The following SLC45A2 variants were observed in gnomAD, a reference collection of about 807,000 sequenced individuals.
SLC45A2 encodes the protein solute carrier family 45 member 2.
Under a neutral mutation model 45.5 loss-of-function variants are expected in SLC45A2, and 36 were observed. The ratio of observed to expected loss-of-function variants is 0.79; its 90% CI spans 0.61 to 1.04. The LOEUF is 1.04. Among genes scored for constraint, SLC45A2 ranks in the 50% least tolerant of loss-of-function variants. The probability of loss-of-function intolerance (pLI) is 0.00; values close to 1 mark genes in which losing one functional copy is unlikely to be tolerated. For missense variants in SLC45A2, 719 were observed against 671.0 expected (o/e 1.07, Z -0.79); for synonymous variants, 306 against 269.3 (o/e 1.14, Z -1.33).
In SLC45A2 at chr5:33,963,735, C is replaced by T. The variant is rs1328291937; in HGVS notation, c.844G>A (p.Glu282Lys). The T allele has an allele frequency of 6.2e-7, 1 of 1,614,034 alleles. No homozygotes were observed. Among genetic ancestry groups the T allele is most frequent in the African/African-American group, 1.3e-5 (1 of 74,930 alleles). Reference sequence around the variant, plus strand: ...TTTTTTGCTCCCTGCATTGCCAGCTCTGGATTTACGTAACCATTTTTAACT... The same window carrying T: ...TTTTTTGCTCCCTGCATTGCCAGCTTTGGATTTACGTAACCATTTTTAACT... Reference protein sequence around the residue: ...EKVKNGYVNPELAMQGAKNKN... With the variant: ...EKVKNGYVNPKLAMQGAKNKN... The change falls in exon 3 of 7, where the codon GAG (glutamate) becomes AAG (lysine). Residue 282 changes from glutamate (E) to lysine (K), a missense_variant. Physicochemically the swap from Glu to Lys is moderately conservative, Grantham distance 56 (BLOSUM62 1). Transcript: ENST00000296589.
intron 2 of SLC45A2, among the ~76,000 whole-genome samples, chr5:33,977,473 G>C (rs748650695): frequency 2.6e-5 from 4 of 152,154 alleles, no homozygotes; most frequent in Admixed American, 6.5e-5. Flanking sequence ...CCCCGACCAA[G>C]TTAGAAATTA....
intron 3 of SLC45A2, among the ~76,000 whole-genome samples, chr5:33,958,221 A>G (rs939800155): frequency 1.3e-5 from 2 of 152,210 alleles, no homozygotes; most frequent in African/African-American, 4.8e-5. Context: ...TTGGAGATAG[A>G]TTTTATGAGA....
chr5:33,948,772 C>T (rs1387287633), intron 5 of SLC45A2, among the ~76,000 whole-genome samples: 2 of 152,144 alleles, frequency 1.3e-5, no homozygotes, highest in African/African-American at 4.8e-5. Flanking sequence ...CTAAAAGATA[C>T]CATCAATACC....
intron 3 of SLC45A2, among the ~76,000 whole-genome samples, chr5:33,955,341 C>A (rs1752243095): frequency 6.6e-6 from 1 of 152,222 alleles, no homozygotes; most frequent in African/African-American, 2.4e-5. Context: ...GAGAATACAG[C>A]TCTGCTAACA....
At chr5:33,950,813 T>C (rs1362715437) in intron 5 of SLC45A2, among the ~76,000 whole-genome samples, 3 of 152,364 alleles carry the variant, frequency 2.0e-5, no homozygotes, top group Non-Finnish European at 4.4e-5. Flanking sequence ...GAGCTCTTTA[T>C]AATTAGGAGA....
intron 2 of SLC45A2, among the ~76,000 whole-genome samples, chr5:33,979,535 G>A (rs1162697945): frequency 6.6e-6 from 1 of 152,224 alleles, no homozygotes; most frequent in East Asian, 1.9e-4. Context: ...AGTACAGAAG[G>A]TAGATTTTCC....
At chr5:33,951,292 C>T in intron 5 of SLC45A2, 1 of 927,934 alleles carries the variant, frequency 1.1e-6, no homozygotes. Context: ...TAAAGATTCC[C>T]TTTCATTTTC....
Position 33,955,642 on chromosome 5 carries a change from T to TAC in SLC45A2, c.889-1140_889-1139dup, listed in dbSNP as rs796587683. Among the ~76,000 whole-genome samples the TAC allele has an allele frequency of 1.3e-4, 19 of 151,450 alleles. No individual in the cohort carries two copies. The South Asian group carries it at 1.5e-3, about 12-fold the overall frequency. ...TGTAGAACTCAAATATATATGTTTA[T>TAC]ACACACACACACACAAACACACACA... On this transcript the variant is annotated intron_variant, in intron 3 of 6. Transcript: ENST00000296589.
chr5:33,967,507 T>C (rs1028033033), intron 2 of SLC45A2, among the ~76,000 whole-genome samples: 1 of 152,158 alleles, frequency 6.6e-6, no homozygotes, highest in Non-Finnish European at 1.5e-5. Context: ...CATCACTCTT[T>C]TGAGTGGCCA....
At chr5:33,966,699 T>G (rs766280131) in intron 2 of SLC45A2, among the ~76,000 whole-genome samples, 6 of 152,188 alleles carry the variant, frequency 3.9e-5, no homozygotes, top group Non-Finnish European at 7.3e-5. Flanking sequence ...TGCTAGTTAA[T>G]AGTAACAAGG....
intron 2 of SLC45A2, among the ~76,000 whole-genome samples, chr5:33,977,916 C>G (rs1752976219): frequency 6.6e-6 from 1 of 152,154 alleles, no homozygotes; most frequent in South Asian, 2.1e-4. Flanking sequence ...AGGAAAGTGT[C>G]CTGATCACGG....
intron 2 of SLC45A2, among the ~76,000 whole-genome samples, chr5:33,973,842 T>C (rs1752851920): frequency 2.1e-5 from 1 of 48,106 alleles, no homozygotes; most frequent in Admixed American, 2.1e-4. Flanking sequence ...GATGGTTCAT[T>C]GTGCTGTGCC....
In SLC45A2 at chr5:33,954,587, A is replaced by G. The variant is rs1301447502; in HGVS notation, c.889-83T>C. The G allele has an allele frequency of 2.5e-6, 4 of 1,580,522 alleles. No individual in the cohort carries two copies. In the East Asian group the frequency reaches 9.0e-5, roughly 35 times the overall value. On this transcript the variant is annotated intron_variant, in intron 3 of 6. Transcript: ENST00000296589. ...GGGAGCCAGAACACACAGACATGTTATGTATTTGTCAGTCAGCCATCACAC... is the reference window on the plus strand; with the variant it reads ...GGGAGCCAGAACACACAGACATGTTGTGTATTTGTCAGTCAGCCATCACAC...
At chr5:33,962,467 G>A (rs934190190) in intron 3 of SLC45A2, among the ~76,000 whole-genome samples, 2 of 152,216 alleles carry the variant, frequency 1.3e-5, no homozygotes, top group African/African-American at 4.8e-5. Context: ...TCACAGGAAG[G>A]TGAGATTCAC....
intron 3 of SLC45A2, among the ~76,000 whole-genome samples, chr5:33,959,681 C>T (rs914764465): frequency 9.2e-5 from 14 of 152,142 alleles, no homozygotes; most frequent in African/African-American, 1.9e-4. Context: ...AGTGGCATGG[C>T]GAGAGGCAGG....
At chr5:33,967,188 T>C (rs949810312) in intron 2 of SLC45A2, among the ~76,000 whole-genome samples, 1 of 152,216 alleles carries the variant, frequency 6.6e-6, no homozygotes, top group Non-Finnish European at 1.5e-5. Flanking sequence ...GATTTAGTCA[T>C]TTTAGGCCCA....
At position 33,953,156 on chromosome 5, in the gene SLC45A2, G is replaced by A. The variant is rs1350499422; in HGVS notation, c.1032+1205C>T. On this transcript the variant is annotated intron_variant, in intron 4 of 6. Transcript: ENST00000296589. ...GTGAATAGTGCCGCAGTAAACATAC[G>A]TGTGCATGTGTCTTTATAGACAGCA... 7.3e-5 allele frequency among the ~76,000 whole-genome samples: 11 copies of A among 149,722 alleles called. No homozygotes were observed. The East Asian group carries it at 1.4e-3, about 19-fold the overall frequency.
intron 2 of SLC45A2, chr5:33,972,125 TTTAA>T (rs1358513253): frequency 1.9e-6 from 1 of 519,026 alleles, no homozygotes; most frequent in East Asian, 5.6e-5. Flanking sequence ...CAGAGAAATG[TTTAA>T]TTATGCCAGG....
intron 2 of SLC45A2, 103 bp downstream of exon 2, chr5:33,982,133 C>G (rs950398020): frequency 7.6e-7 from 1 of 1,320,824 alleles, no homozygotes; most frequent in African/African-American, 1.4e-5. Flanking sequence ...TCAGCTGACC[C>G]GTTCATTCAA....
Sources: allele counts gnomAD v4.1 joint callset (sites outside exome capture counted in the v4.1 genomes callset), GRCh38; gene constraint gnomAD v4.1.1; transcripts MANE v1.5; gene names NCBI Gene and HGNC (gene_info 2026-07-23, HGNC 2026-07-21).